Variants in TNFRSF10D observed in about 807,000 individuals in gnomAD.
The protein encoded by TNFRSF10D is TNF receptor superfamily member 10d.
A neutral mutation model predicts 42.1 loss-of-function variants in TNFRSF10D; 28 were observed. That is an observed-to-expected ratio of 0.66 (90% confidence interval 0.49 to 0.91). TNFRSF10D has a LOEUF of 0.91. Ranked by LOEUF, TNFRSF10D falls within the 40% of genes least tolerant of loss-of-function variation. The pLI is 0.00. For synonymous variants in TNFRSF10D, 186 were observed against 189.4 expected (o/e 0.98, Z 0.15); for missense variants, 503 against 486.1 (o/e 1.03, Z -0.33).
At chr8:23,154,801 G>A in intron 2 of TNFRSF10D, 73 bp downstream of exon 2, 3 of 1,451,452 alleles carry the variant, frequency 2.1e-6, no homozygotes, top group Non-Finnish European at 2.8e-6. Context: ...AAACATCATG[G>A]TGTACACCAT....
intron 1 of TNFRSF10D, among the ~76,000 whole-genome samples, chr8:23,156,267 T>G (rs145153643): frequency 1.3e-5 from 2 of 150,586 alleles, no homozygotes; most frequent in Admixed American, 1.3e-4. Flanking sequence ...AATTGTAAAT[T>G]TACATTTAAT....
intron 1 of TNFRSF10D, among the ~76,000 whole-genome samples, chr8:23,159,777 C>T (rs1444316416): frequency 2.0e-5 from 3 of 151,666 alleles, no homozygotes; most frequent in African/African-American, 4.9e-5. Flanking sequence ...GCAGGAGAAT[C>T]GCTTGAATCT....
At chr8:23,143,023 C>G (rs1489001926) in intron 7 of TNFRSF10D, among the ~76,000 whole-genome samples, 1 of 150,276 alleles carries the variant, frequency 6.7e-6, no homozygotes, top group Admixed American at 6.6e-5. Context: ...GTAGCCCAGG[C>G]TGGAGTGCAG....
chr8:23,141,111 T>G (rs114322765), intron 7 of TNFRSF10D, among the ~76,000 whole-genome samples: 919 of 152,144 alleles, frequency 6.0e-3, no homozygotes, highest in African/African-American at 0.019. Context: ...ACATCAGCCA[T>G]GGCAAAGAAT....
intron 1 of TNFRSF10D, among the ~76,000 whole-genome samples, chr8:23,159,403 G>A (rs1175507006): frequency 6.6e-6 from 1 of 152,172 alleles, no homozygotes; most frequent in African/African-American, 2.4e-5. Flanking sequence ...TTAAGGATGA[G>A]AAGTCGAGGC....
intron 8 of TNFRSF10D, 54 bp from the exon 9 acceptor site, chr8:23,138,057 G>A (rs1585256269): frequency 6.2e-7 from 1 of 1,609,960 alleles, no homozygotes; most frequent in Non-Finnish European, 8.5e-7. Flanking sequence ...GATCAGCACA[G>A]GATCGACATG....
In TNFRSF10D at chr8:23,135,651, G is replaced by A. The variant is rs1340214468; in HGVS notation, c.*2219C>T. ...CATATGAGTATTTCATATATAACCA[G>A]GTGTTATGTGCTATTTGGCCCGGGT... On this transcript the variant is annotated 3_prime_UTR_variant, in exon 9 of 9. Coordinates refer to ENST00000312584, the MANE Select transcript of TNFRSF10D (RefSeq NM_003840.5). 31 of 260,546 alleles carry A rather than the reference G, an allele frequency of 1.2e-4. No individual in the cohort carries two copies. Among genetic ancestry groups the A allele is most frequent in the African/African-American group, 6.7e-4 (30 of 44,734 alleles). The allele number at this position is 260,546 out of a possible 1,614,324, so 16.1% of individuals were successfully genotyped here. A position where few individuals can be genotyped will look rare whatever the true frequency, so the allele number is the denominator to read the frequency against.
Position 23,161,362 on chromosome 8 carries a change from C to A in TNFRSF10D, c.150+2424G>T, listed in dbSNP as rs912143124. ...ATTCCTACTTTGATAAAGAGAAGGG[C>A]GGGGCGGAAGCCTCTGTCACACAGA... On this transcript the variant is annotated intron_variant, in intron 1 of 8. Transcript: ENST00000312584. Among the ~76,000 whole-genome samples the A allele has an allele frequency of 2.0e-5, 3 of 150,534 alleles. No homozygotes were observed. The South Asian group carries it at 6.4e-4, about 32-fold the overall frequency.
intron 7 of TNFRSF10D, among the ~76,000 whole-genome samples, chr8:23,142,470 A>G (rs1585258180): frequency 6.6e-6 from 1 of 152,244 alleles, no homozygotes. Flanking sequence ...GCTGGAGGCC[A>G]TCATCCTAAG....
Position 23,163,983 on chromosome 8 carries a change from C to T in TNFRSF10D, c.-48G>A, listed in dbSNP as rs756564121. On this transcript the variant is annotated 5_prime_UTR_variant, in exon 1 of 9. Coordinates refer to ENST00000312584, the MANE Select transcript of TNFRSF10D (RefSeq NM_003840.5). ...AAAGCGCCAAAAATCAATCAGAAAT[C>T]GTCCCCGTAGTTTGTGCGCGTGCAA... 11 of 1,514,640 alleles carry T rather than the reference C, an allele frequency of 7.3e-6. No homozygotes were observed. The highest frequency in any genetic ancestry group is 9.7e-6 in the Non-Finnish European group (11 of 1,135,570). 93.8% of individuals were successfully genotyped at this position (1,514,640 alleles called of 1,614,324 possible).
In TNFRSF10D at chr8:23,164,013, TCTCGCAGCTACA is replaced by T; in HGVS notation, c.-90_-79del. 4 of 1,452,730 alleles carry T rather than the reference TCTCGCAGCTACA, an allele frequency of 2.8e-6. No homozygotes were observed. The South Asian group carries it at 5.8e-5, about 21-fold the overall frequency. 90.0% of individuals were successfully genotyped at this position (1,452,730 alleles called of 1,614,324 possible). On this transcript the variant is annotated 5_prime_UTR_variant, in exon 1 of 9. Transcript: ENST00000312584. ...CCGTAGTTTGTGCGCGTGCAAAGGT[TCTCGCAGCTACA>T]CTGCCAGAATAGAACGTGCTCCTCC...
intron 5 of TNFRSF10D, 84 bp from the exon 6 acceptor site, chr8:23,145,173 G>A (rs1333665059): frequency 1.9e-6 from 3 of 1,562,430 alleles, no homozygotes. Context: ...CGCAGGGCTG[G>A]CTGGGGGCTG....
intron 2 of TNFRSF10D, among the ~76,000 whole-genome samples, chr8:23,152,116 C>A (rs193074201): frequency 5.5e-3 from 837 of 151,974 alleles, no homozygotes; most frequent in African/African-American, 0.017. Context: ...AGGAGACAGC[C>A]ACTCTTTAAG....
In TNFRSF10D at chr8:23,143,378, C is replaced by T. The variant is rs546624301; in HGVS notation, c.954+1072G>A. On this transcript the variant is annotated intron_variant, in intron 7 of 8. Transcript: ENST00000312584. ...GTGCAGTGGCTTATGCCTGTAATCC[C>T]ACCACTTTGGGAGGCCAAGGTGAGA... 2.0e-5 allele frequency among the ~76,000 whole-genome samples: 3 copies of T among 152,100 alleles called. No homozygotes were observed. In the South Asian group the frequency reaches 6.2e-4, roughly 32 times the overall value.
chr8:23,144,575 TG>T lies in TNFRSF10D; in HGVS notation c.828del (p.Asn277ThrfsTer4). ...SRVPGAEDNA[R>X]NETLSNRYLQ... ...AAGTATCTGTTACTCAGGGTCTCGT[TG>T]CGGGCATTGTCCTCCGCCCCAGGAA... On this transcript the variant is annotated frameshift_variant, in exon 7 of 9. Transcript: ENST00000312584. LOFTEE classifies it high-confidence loss of function. The T allele has an allele frequency of 6.2e-7, 1 of 1,614,168 alleles. No homozygotes were observed.
intron 7 of TNFRSF10D, among the ~76,000 whole-genome samples, chr8:23,141,656 A>C (rs1800021381): frequency 6.6e-6 from 1 of 152,152 alleles, no homozygotes; most frequent in African/African-American, 2.4e-5. Context: ...AAATGGGCAA[A>C]AGACATGAAC....
At chr8:23,158,918 T>C (rs1426525528) in intron 1 of TNFRSF10D, among the ~76,000 whole-genome samples, 2 of 152,172 alleles carry the variant, frequency 1.3e-5, no homozygotes, top group Admixed American at 6.6e-5. Context: ...ATGACATGTC[T>C]ACCGTCCTGC....
chr8:23,147,044 C>G lies in TNFRSF10D; in HGVS notation c.399G>C (p.Thr133=). The G allele has an allele frequency of 1.2e-6, 2 of 1,613,838 alleles. No individual in the cohort carries two copies. Among genetic ancestry groups the G allele is most frequent in the South Asian group, 2.2e-5 (2 of 91,038 alleles). Residue 133 remains threonine, a synonymous_variant, in exon 4 of 9, where the codon ACG becomes ACC. Coordinates refer to ENST00000312584, the MANE Select transcript of TNFRSF10D (RefSeq NM_003840.5). Reference sequence around the variant, plus strand: ...CACACTGACACACGGTGTCTCTGGTCGTGGTACAGGAACTTTTATTTGTTT... The same window carrying G: ...CACACTGACACACGGTGTCTCTGGTGGTGGTACAGGAACTTTTATTTGTTT... ...SGQTNKSSCT[T]TRDTVCQCEK...
rs897761266 is a variant in TNFRSF10D at position 23,135,896 on chromosome 8, G to A, written c.*1974C>T. ...TCTCCTGCACAGAAGGCCCAGCAAA[G>A]GCAAAGACTAGGAGGCAGCAGCACC... On this transcript the variant is annotated 3_prime_UTR_variant, in exon 9 of 9. Coordinates refer to ENST00000312584, the MANE Select transcript of TNFRSF10D (RefSeq NM_003840.5). 1.1e-5 allele frequency: 5 copies of A among 452,162 alleles called. No homozygotes were observed. Among genetic ancestry groups the A allele is most frequent in the African/African-American group, 1.0e-4 (5 of 49,962 alleles). 28.0% of individuals were successfully genotyped at this position (452,162 alleles called of 1,614,324 possible).
Sources: allele counts gnomAD v4.1 joint callset (sites outside exome capture counted in the v4.1 genomes callset), GRCh38; gene constraint gnomAD v4.1.1; transcripts MANE v1.5; gene names NCBI Gene and HGNC (gene_info 2026-07-23, HGNC 2026-07-21).